The following COMMD10 variants were observed in gnomAD, a reference collection of about 807,000 sequenced individuals.
The protein encoded by COMMD10 is COMM domain containing 10.
Under a neutral mutation model 28.9 loss-of-function variants are expected in COMMD10, and 33 were observed. The ratio of observed to expected loss-of-function variants is 1.14; its 90% CI spans 0.87 to 1.53. COMMD10 has a LOEUF of 1.53. Ranked by LOEUF, COMMD10 falls within the 40% of genes most tolerant of loss-of-function variation. The probability of loss-of-function intolerance (pLI) is 0.00; values close to 1 mark genes in which losing one functional copy is unlikely to be tolerated. For synonymous variants in COMMD10, 110 were observed against 81.7 expected (o/e 1.35, Z -1.87); for missense variants, 310 against 233.4 (o/e 1.33, Z -2.14).
At chr5:116,172,242 G>T (rs571830641) in intron 5 of COMMD10, among the ~76,000 whole-genome samples, 1 of 152,212 alleles carries the variant, frequency 6.6e-6, no homozygotes, top group South Asian at 2.1e-4. Context: ...GGAGGGAGGT[G>T]TGAGAGGAAA....
At chr5:116,232,431 C>T (rs1022151544) in intron 5 of COMMD10, among the ~76,000 whole-genome samples, 4 of 151,966 alleles carry the variant, frequency 2.6e-5, no homozygotes, top group Non-Finnish European at 5.9e-5. Context: ...AAATTCAATC[C>T]ATGGTGTTGG....
chr5:116,275,527 T>A (rs1346880980), intron 5 of COMMD10, among the ~76,000 whole-genome samples: 1 of 151,234 alleles, frequency 6.6e-6, no homozygotes, highest in Non-Finnish European at 1.5e-5. Context: ...ATTGGACTCG[T>A]AAGCTCAAGG....
intron 5 of COMMD10, among the ~76,000 whole-genome samples, chr5:116,210,363 C>T (rs1413760899): frequency 1.3e-5 from 2 of 151,500 alleles, no homozygotes; most frequent in South Asian, 2.1e-4. Flanking sequence ...CACACATATA[C>T]AGGCATACTT....
chr5:116,204,768 G>T (rs1561666266), intron 5 of COMMD10, among the ~76,000 whole-genome samples: 1 of 152,226 alleles, frequency 6.6e-6, no homozygotes, highest in South Asian at 2.1e-4. Context: ...TGCAATGAAT[G>T]TCTGCTTGTC....
At chr5:116,247,046 TG>T (rs1467763700) in intron 5 of COMMD10, among the ~76,000 whole-genome samples, 1 of 150,650 alleles carries the variant, frequency 6.6e-6, no homozygotes, top group Non-Finnish European at 1.5e-5. Flanking sequence ...ACCTAAAGAA[TG>T]GGAGAAAATC....
intron 5 of COMMD10, among the ~76,000 whole-genome samples, chr5:116,212,546 G>C (rs906219133): frequency 1.3e-4 from 13 of 101,318 alleles, no homozygotes; most frequent in African/African-American, 4.3e-4. Flanking sequence ...GGGTTGGATA[G>C]GTTCATGTGG....
chr5:116,208,529 G>C lies in COMMD10; in HGVS notation c.510+74351G>C, dbSNP rs190058156. 1.9e-3 allele frequency among the ~76,000 whole-genome samples: 286 copies of C among 152,186 alleles called. 1 individual carries two copies. Among genetic ancestry groups the C allele is most frequent in the African/African-American group, 6.2e-3 (256 of 41,522 alleles). On this transcript the variant is annotated intron_variant, in intron 5 of 6. Coordinates refer to ENST00000274458, the MANE Select transcript of COMMD10 (RefSeq NM_016144.4). ...AATTCTGACTCTTTGGGATCCCTTTGTTTATAATTTTAAGTTCTTAGAAGG... is the reference window on the plus strand; with the variant it reads ...AATTCTGACTCTTTGGGATCCCTTTCTTTATAATTTTAAGTTCTTAGAAGG...
At chr5:116,287,250 A>G (rs1426956266) in intron 5 of COMMD10, among the ~76,000 whole-genome samples, 1 of 151,526 alleles carries the variant, frequency 6.6e-6, no homozygotes, top group Non-Finnish European at 1.5e-5. Flanking sequence ...TTATGCACCA[A>G]AGCTATGAGG....
chr5:116,264,099 C>T (rs1398123377), intron 5 of COMMD10, among the ~76,000 whole-genome samples: 1 of 151,792 alleles, frequency 6.6e-6, no homozygotes, highest in African/African-American at 2.4e-5. Flanking sequence ...GAGCCTTTAA[C>T]TAAAGGAGTG....
At chr5:116,287,019 T>A (rs1751235407) in intron 5 of COMMD10, among the ~76,000 whole-genome samples, 1 of 151,832 alleles carries the variant, frequency 6.6e-6, no homozygotes, top group Admixed American at 6.6e-5. Context: ...TTCCATATAT[T>A]TAGATTCATG....
Position 116,197,158 on chromosome 5 carries a change from C to T in COMMD10, c.510+62980C>T, listed in dbSNP as rs377288522. Reference sequence around the variant, plus strand: ...GCCTCATCAAATTTTGCATAGCCTACATTACAATCATAGAATCTTGAGTTT... The same window carrying T: ...GCCTCATCAAATTTTGCATAGCCTATATTACAATCATAGAATCTTGAGTTT... On this transcript the variant is annotated intron_variant, in intron 5 of 6. Transcript: ENST00000274458. 1.2e-3 allele frequency among the ~76,000 whole-genome samples: 176 copies of T among 152,188 alleles called. 4 individuals carry two copies. The South Asian group carries it at 0.033, about 29-fold the overall frequency.
chr5:116,273,572 T>A (rs958244234), intron 5 of COMMD10, among the ~76,000 whole-genome samples: 1 of 151,878 alleles, frequency 6.6e-6, no homozygotes, highest in African/African-American at 2.4e-5. Flanking sequence ...TCATTAATAT[T>A]AATGACTAGA....
In COMMD10 at chr5:116,129,004, A is replaced by G. The variant is rs371684448; in HGVS notation, c.400-5064A>G. Among the ~76,000 whole-genome samples, 3 of 151,772 alleles carry G rather than the reference A, an allele frequency of 2.0e-5. No homozygotes were observed. In the East Asian group the frequency reaches 5.8e-4, roughly 30 times the overall value. ...AGGTGAGGTTCTCCACTGTATCACT[A>G]CTCTTTTCTTTTATAAATAAAGAGC... On this transcript the variant is annotated intron_variant, in intron 4 of 6. Transcript: ENST00000274458.
At chr5:116,276,283 G>A (rs537634027) in intron 5 of COMMD10, among the ~76,000 whole-genome samples, 1 of 151,592 alleles carries the variant, frequency 6.6e-6, no homozygotes, top group South Asian at 2.1e-4. Flanking sequence ...ATGGACTTCT[G>A]CTTTTGTCAC....
chr5:116,089,591 T>C (rs1478521543), intron 2 of COMMD10, among the ~76,000 whole-genome samples: 1 of 152,204 alleles, frequency 6.6e-6, no homozygotes, highest in Non-Finnish European at 1.5e-5. Context: ...CTCAGTCATG[T>C]ATGGAGTTGA....
At chr5:116,164,103 C>T (rs10063392) in intron 5 of COMMD10, among the ~76,000 whole-genome samples, 77,674 of 151,936 alleles carry the variant, frequency 0.51, 22,310 homozygotes, top group Non-Finnish European at 0.65. Flanking sequence ...GATCACCTGA[C>T]GTCAGGAGTT....
At chr5:116,219,690 T>C (rs1277404242) in intron 5 of COMMD10, among the ~76,000 whole-genome samples, 3 of 152,188 alleles carry the variant, frequency 2.0e-5, no homozygotes, top group African/African-American at 7.2e-5. Context: ...ATATATTTCT[T>C]TTTGTTTAAG....
At chr5:116,111,736 G>C (rs1751051860) in intron 4 of COMMD10, among the ~76,000 whole-genome samples, 1 of 152,128 alleles carries the variant, frequency 6.6e-6, no homozygotes, top group South Asian at 2.1e-4. Flanking sequence ...GATGAGAAGA[G>C]TATTTATTCT....
At chr5:116,118,060 A>G (rs2112746870) in intron 4 of COMMD10, among the ~76,000 whole-genome samples, 1 of 152,294 alleles carries the variant, frequency 6.6e-6, no homozygotes, top group East Asian at 1.9e-4. Flanking sequence ...ATTGTTGACC[A>G]TCTCCTTTTA....
Sources: allele counts gnomAD v4.1 joint callset (sites outside exome capture counted in the v4.1 genomes callset), GRCh38; gene constraint gnomAD v4.1.1; transcripts MANE v1.5; gene names NCBI Gene and HGNC (gene_info 2026-07-23, HGNC 2026-07-21).